Variants in HEPHL1 observed in about 807,000 individuals in gnomAD.
The protein encoded by HEPHL1 is hephaestin like 1, also known as ferroxidase HEPHL1.
HEPHL1 carries 123 observed loss-of-function variants against 122.0 expected under a neutral mutation model. The observed-to-expected ratio is 1.01, with a 90% CI of 0.87 to 1.17. The LOEUF (loss-of-function observed/expected upper bound fraction) is 1.17, where lower values mean the gene tolerates loss of function less well. Ranked by LOEUF, HEPHL1 falls within the 50% of genes most tolerant of loss-of-function variation. HEPHL1 has a pLI of 0.00. For missense variants in HEPHL1, 1,452 were observed against 1,430.5 expected (o/e 1.01, Z -0.24); for synonymous variants, 527 against 508.9 (o/e 1.04, Z -0.48).
In HEPHL1 at chr11:94,070,684, T is replaced by C; in HGVS notation, c.1232+142T>C. 4.5e-6 allele frequency: 3 copies of C among 673,524 alleles called. No individual in the cohort carries two copies. In the South Asian group the frequency reaches 7.3e-5, roughly 16 times the overall value. 41.7% of individuals were successfully genotyped at this position (673,524 alleles called of 1,614,324 possible). The stretch of plus-strand genomic sequence containing the variant: ...GGCATAATGTAGCTGCTTAAGGTGT[T>C]CTTAATACTGCAAAAGCACTGCTGA... On this transcript the variant is annotated intron_variant, in intron 6 of 19. Transcript: ENST00000315765.
At chr11:94,033,862 T>A (rs1945697482) in intron 1 of HEPHL1, among the ~76,000 whole-genome samples, 1 of 152,168 alleles carries the variant, frequency 6.6e-6, no homozygotes, top group Non-Finnish European at 1.5e-5. Flanking sequence ...TGTGCATATC[T>A]CACTGTAACA....
chr11:94,101,382 G>A (rs376674249), intron 14 of HEPHL1, 47 bp downstream of exon 14: 41 of 1,579,074 alleles, frequency 2.6e-5, no homozygotes, highest in Middle Eastern at 1.7e-4. Context: ...GAACATTGGC[G>A]TCAACTCTTT....
At chr11:94,046,118 G>A (rs545356827) in intron 2 of HEPHL1, among the ~76,000 whole-genome samples, 1 of 1,132 alleles carries the variant, frequency 8.8e-4, no homozygotes, top group African/African-American at 1.4e-3. Context: ...TTTTTGAGAG[G>A]TAGTCTCACT....
At chr11:94,111,659 G>A (rs757119531) in intron 19 of HEPHL1, 33 bp from the exon 20 acceptor site, 45 of 1,611,968 alleles carry the variant, frequency 2.8e-5, no homozygotes, top group Non-Finnish European at 3.6e-5. Flanking sequence ...CCTCAAAAAT[G>A]TCAGGGGCCT....
chr11:94,068,353 GCTCAT>G (rs1946050882), intron 5 of HEPHL1, among the ~76,000 whole-genome samples: 1 of 152,154 alleles, frequency 6.6e-6, no homozygotes, highest in African/African-American at 2.4e-5. Context: ...AGTTATAGCA[GCTCAT>G]CTCATCTCTG....
At chr11:94,070,233 C>T in intron 5 of HEPHL1, 141 bp from the exon 6 acceptor site, 2 of 660,382 alleles carry the variant, frequency 3.0e-6, no homozygotes, top group South Asian at 3.3e-5. Flanking sequence ...GCCATTTATC[C>T]TTTTTAAAAA....
chr11:94,104,465 G>T, intron 15 of HEPHL1, 63 bp from the exon 16 acceptor site: 2 of 1,138,796 alleles, frequency 1.8e-6, no homozygotes, highest in South Asian at 2.7e-5. Flanking sequence ...ATGGTGGCAG[G>T]TGGAATGAAA....
At chr11:94,097,252 T>G (rs1946324419) in intron 13 of HEPHL1, among the ~76,000 whole-genome samples, 1 of 152,026 alleles carries the variant, frequency 6.6e-6, no homozygotes, top group African/African-American at 2.4e-5. Context: ...GAACATCGAT[T>G]TCTGCCTTCA....
In HEPHL1 at chr11:94,078,628, C is replaced by T. The variant is rs533712990; in HGVS notation, c.1716+3243C>T. 1.1e-4 allele frequency among the ~76,000 whole-genome samples: 17 copies of T among 151,790 alleles called. No homozygotes were observed. The South Asian group carries it at 2.9e-3, about 26-fold the overall frequency. Reference sequence around the variant, plus strand: ...GCTCCAGTTAGAAAGCTGACAGGCTCGAGAACCAGGAAGAGCCAACATTTT... The same window carrying T: ...GCTCCAGTTAGAAAGCTGACAGGCTTGAGAACCAGGAAGAGCCAACATTTT... On this transcript the variant is annotated intron_variant, in intron 9 of 19. Transcript: ENST00000315765.
At chr11:94,082,189 G>T (rs188994554) in intron 9 of HEPHL1, among the ~76,000 whole-genome samples, 16 of 152,320 alleles carry the variant, frequency 1.1e-4, no homozygotes, top group Non-Finnish European at 2.1e-4. Context: ...CTAAGCAGGG[G>T]CTGATTTCCT....
intron 13 of HEPHL1, among the ~76,000 whole-genome samples, chr11:94,099,211 T>C (rs1252640599): frequency 6.6e-6 from 1 of 152,254 alleles, no homozygotes; most frequent in Non-Finnish European, 1.5e-5. Flanking sequence ...TGCTCTCTGT[T>C]TGTTAGTTTT....
rs1377614893 is a variant in HEPHL1 at position 94,106,057 on chromosome 11, G to A, written c.2972G>A (p.Trp991Ter). The change falls in exon 17 of 20, where the codon TGG (tryptophan) becomes TAG (stop). Residue 991 changes from tryptophan (W) to a stop codon, truncating the protein, a stop_gained. Coordinates refer to ENST00000315765, the MANE Select transcript of HEPHL1 (RefSeq NM_001098672.2). LOFTEE classifies it high-confidence loss of function. The part of the protein sequence containing the change: ...LIMNEDTMTN[W>*]YLLGIGSEVD... ...ATGAACGAAGATACAATGACAAACT[G>A]GTATTTGTTAGGGATAGGAAGTGAA... 3.8e-6 allele frequency: 6 copies of A among 1,598,836 alleles called. No homozygotes were observed. The highest frequency in any genetic ancestry group is 1.3e-5 in the African/African-American group (1 of 74,710).
chr11:94,035,463 C>T (rs988228901), intron 1 of HEPHL1, among the ~76,000 whole-genome samples: 1 of 152,202 alleles, frequency 6.6e-6, no homozygotes, highest in Admixed American at 6.5e-5. Flanking sequence ...GAGGCGATGC[C>T]TGTGGGATCT....
chr11:94,093,392 A>C, intron 12 of HEPHL1, 109 bp from the exon 13 acceptor site: 1 of 1,258,980 alleles, frequency 7.9e-7, no homozygotes, highest in East Asian at 2.3e-5. Flanking sequence ...GCACTTGATC[A>C]CAGCCAGGTT....
Position 94,066,320 on chromosome 11 carries a change from C to T in HEPHL1, c.809-1176C>T, listed in dbSNP as rs1426533831. Reference sequence around the variant, plus strand: ...CTGTAATCCCAGCACTTTGGGAGGCCAAGGTGGGAGGATCACTTGAGGCCA... The same window carrying T: ...CTGTAATCCCAGCACTTTGGGAGGCTAAGGTGGGAGGATCACTTGAGGCCA... On this transcript the variant is annotated intron_variant, in intron 4 of 19. Coordinates refer to ENST00000315765, the MANE Select transcript of HEPHL1 (RefSeq NM_001098672.2). Among the ~76,000 whole-genome samples, 6 of 151,918 alleles carry T rather than the reference C, an allele frequency of 3.9e-5. No homozygotes were observed. The East Asian group carries it at 1.2e-3, about 30-fold the overall frequency.
intron 1 of HEPHL1, among the ~76,000 whole-genome samples, chr11:94,037,079 T>G (rs2134408772): frequency 6.6e-6 from 1 of 152,168 alleles, no homozygotes; most frequent in African/African-American, 2.4e-5. Context: ...GTCAGGGAGT[T>G]CCCTTTCCGA....
chr11:94,048,722 G>T (rs1026278838), intron 2 of HEPHL1, among the ~76,000 whole-genome samples: 1 of 151,802 alleles, frequency 6.6e-6, no homozygotes, highest in African/African-American at 2.4e-5. Flanking sequence ...AACATTCATA[G>T]GTCCTTAAAT....
rs528985884 is a variant in HEPHL1 at position 94,046,222 on chromosome 11, G to C, written c.415+305G>C. ...ATATTCTCCTGCCTCAGCCTCTCTA[G>C]TGCTGGGATTACAGATGTGCACCAT... On this transcript the variant is annotated intron_variant, in intron 2 of 19. Coordinates refer to ENST00000315765, the MANE Select transcript of HEPHL1 (RefSeq NM_001098672.2). Among the ~76,000 whole-genome samples, 11 of 147,682 alleles carry C rather than the reference G, an allele frequency of 7.4e-5. No homozygotes were observed. In the East Asian group the frequency reaches 2.0e-3, roughly 27 times the overall value.
chr11:94,101,466 A>G, intron 14 of HEPHL1, 131 bp downstream of exon 14: 4 of 901,654 alleles, frequency 4.4e-6, no homozygotes, highest in Admixed American at 3.0e-5. Flanking sequence ...TCACTCTGGT[A>G]TGAGATCATC....
Sources: gnomAD v4.1 joint callset for allele counts (sites outside exome capture counted in the v4.1 genomes callset) on GRCh38, gnomAD v4.1.1 for gene constraint, MANE v1.5 for transcripts, NCBI Gene and HGNC (gene_info 2026-07-23, HGNC 2026-07-21) for gene names.